UCK2: variants seen among roughly 807,000 people sequenced by gnomAD.
UCK2 encodes the protein uridine-cytidine kinase 2.
A neutral mutation model predicts 30.8 loss-of-function variants in UCK2; 6 were observed. The observed-to-expected ratio is 0.19, with a 90% confidence interval of 0.11 to 0.38. The LOEUF (loss-of-function observed/expected upper bound fraction) is 0.38, where lower values mean the gene tolerates loss of function less well. Among genes scored for constraint, UCK2 ranks in the 10% least tolerant of loss-of-function variants. The probability of loss-of-function intolerance (pLI) is 1.00; values close to 1 mark genes in which losing one functional copy is unlikely to be tolerated. For synonymous variants in UCK2, 125 were observed against 133.6 expected (o/e 0.94, Z 0.45); for missense variants, 210 against 339.8 (o/e 0.62, Z 3.00).
chr1:165,855,683 G>T (rs757648237), intron 1 of UCK2, among the ~76,000 whole-genome samples: 1 of 151,960 alleles, frequency 6.6e-6, no homozygotes, highest in African/African-American at 2.4e-5. Flanking sequence ...GCTGGAAGTC[G>T]CTGTGTCTGA....
intron 1 of UCK2, among the ~76,000 whole-genome samples, chr1:165,862,380 C>T (rs1189990314): frequency 1.3e-5 from 2 of 152,098 alleles, no homozygotes; most frequent in Non-Finnish European, 2.9e-5. Context: ...GTCTGGCCCA[C>T]GCTTGATGTA....
intron 4 of UCK2, among the ~76,000 whole-genome samples, chr1:165,897,658 G>A (rs1428702932): frequency 1.3e-5 from 2 of 152,008 alleles, no homozygotes; most frequent in African/African-American, 4.8e-5. Flanking sequence ...TTCTCTTTTC[G>A]GTTCATGAAA....
chr1:165,831,585 G>A (rs1240634476), intron 1 of UCK2, among the ~76,000 whole-genome samples: 1 of 152,052 alleles, frequency 6.6e-6, no homozygotes, highest in Non-Finnish European at 1.5e-5. Context: ...CCTCTGAAAC[G>A]AGAAAAATCT....
At chr1:165,892,950 A>G (rs1390403380) in intron 3 of UCK2, among the ~76,000 whole-genome samples, 1 of 152,176 alleles carries the variant, frequency 6.6e-6, no homozygotes, top group Non-Finnish European at 1.5e-5. Context: ...GTGGGAAGGC[A>G]GGCAGACCTC....
At chr1:165,890,886 C>A in intron 2 of UCK2, 1 of 292,756 alleles carries the variant, frequency 3.4e-6, no homozygotes, top group Non-Finnish European at 6.5e-6. Flanking sequence ...TGTGTACTCC[C>A]CCAGTCATGG....
intron 1 of UCK2, among the ~76,000 whole-genome samples, chr1:165,867,792 T>G (rs1354569885): frequency 6.6e-6 from 1 of 152,208 alleles, no homozygotes; most frequent in African/African-American, 2.4e-5. Context: ...GCATGAGGCT[T>G]GGAATCTACT....
At chr1:165,890,536 T>A (rs1655739951) in intron 2 of UCK2, among the ~76,000 whole-genome samples, 173 bp downstream of exon 2, 1 of 152,180 alleles carries the variant, frequency 6.6e-6, no homozygotes, top group Admixed American at 6.5e-5. Flanking sequence ...AAGAAGGAAT[T>A]TTCAAATGCT....
chr1:165,869,659 CTTTTTTTTT>C (rs71100867), intron 1 of UCK2, among the ~76,000 whole-genome samples: 4 of 73,970 alleles, frequency 5.4e-5, no homozygotes, highest in South Asian at 7.1e-4. Flanking sequence ...CATCATGGGC[CTTTTTTTTT>C]TTTTTTTTTT....
At chr1:165,851,804 CGTT>C (rs1412682223) in intron 1 of UCK2, among the ~76,000 whole-genome samples, 3 of 152,104 alleles carry the variant, frequency 2.0e-5, no homozygotes, top group Non-Finnish European at 2.9e-5. Context: ...CATGGGTTCT[CGTT>C]GTTCAACTTG....
chr1:165,865,390 G>T (rs999457892), intron 1 of UCK2, among the ~76,000 whole-genome samples: 3 of 152,132 alleles, frequency 2.0e-5, no homozygotes, highest in Non-Finnish European at 4.4e-5. Context: ...TGACAGTACT[G>T]AAAGGCCCTC....
chr1:165,854,082 C>T (rs1654665121), intron 1 of UCK2, among the ~76,000 whole-genome samples: 1 of 152,222 alleles, frequency 6.6e-6, no homozygotes, highest in Admixed American at 6.5e-5. Flanking sequence ...GGTGCCATTC[C>T]TATCTCCTCT....
chr1:165,873,342 G>A (rs1183894480), intron 1 of UCK2, among the ~76,000 whole-genome samples: 2 of 152,180 alleles, frequency 1.3e-5, no homozygotes, highest in South Asian at 2.1e-4. Context: ...GATGGCCACC[G>A]TCTTGGACAC....
chr1:165,886,131 G>T (rs986106000), intron 1 of UCK2, among the ~76,000 whole-genome samples: 1 of 152,094 alleles, frequency 6.6e-6, no homozygotes, highest in East Asian at 1.9e-4. Context: ...TTTGCATAGT[G>T]AAATCCTATG....
intron 1 of UCK2, among the ~76,000 whole-genome samples, chr1:165,846,967 G>A (rs1282525779): frequency 2.0e-5 from 3 of 152,126 alleles, no homozygotes; most frequent in Non-Finnish European, 4.4e-5. Context: ...TGTCATGACT[G>A]CCTTTGTCCC....
rs74118912 is a variant in UCK2, at chr1:165,841,673, C to G, written c.99+13741C>G. 3.3e-3 allele frequency among the ~76,000 whole-genome samples: 510 copies of G among 152,300 alleles called. 1 individual carries two copies. The highest frequency in any genetic ancestry group is 0.012 in the African/African-American group (483 of 41,570). The stretch of plus-strand genomic sequence containing the variant: ...CACAGCAGTGCATTAGAGAAAGGCC[C>G]TGACCTCAGGGAGCTTGTATGTTTA... On this transcript the variant is annotated intron_variant, in intron 1 of 6. Coordinates refer to ENST00000367879, the MANE Select transcript of UCK2 (RefSeq NM_012474.5).
At chr1:165,856,406 AT>A (rs34440554) in intron 1 of UCK2, among the ~76,000 whole-genome samples, 2,876 of 135,924 alleles carry the variant, frequency 0.021, 85 homozygotes, top group African/African-American at 0.069. Flanking sequence ...GTATTAGGTG[AT>A]TTTTTTTTTT....
intron 1 of UCK2, among the ~76,000 whole-genome samples, chr1:165,869,759 C>T (rs1571282291): frequency 6.9e-6 from 1 of 145,180 alleles, no homozygotes; most frequent in African/African-American, 2.6e-5. Context: ...CAGGCTCAAG[C>T]GATCCTCTGC....
intron 1 of UCK2, among the ~76,000 whole-genome samples, chr1:165,831,517 C>T (rs1397898336): frequency 2.0e-5 from 3 of 152,216 alleles, no homozygotes; most frequent in African/African-American, 4.8e-5. Context: ...CATTCTGTTT[C>T]CTTTTCATCT....
intron 1 of UCK2, among the ~76,000 whole-genome samples, chr1:165,861,660 C>A (rs113200805): frequency 0.11 from 3,045 of 26,792 alleles, 165 homozygotes; most frequent in Non-Finnish European, 0.14. Context: ...CAAAAAAAAA[C>A]AACAGTAAAA....
Sources: allele counts gnomAD v4.1 joint callset (sites outside exome capture counted in the v4.1 genomes callset), GRCh38; gene constraint gnomAD v4.1.1; transcripts MANE v1.5; gene names NCBI Gene and HGNC (gene_info 2026-07-23, HGNC 2026-07-21).